Variants in PHACTR1 observed in about 807,000 individuals in gnomAD.
PHACTR1 encodes the protein RPEL repeat containing 1.
PHACTR1 carries 16 observed loss-of-function variants against 69.2 expected under a neutral mutation model. That is an observed-to-expected ratio of 0.23 (90% confidence interval 0.16 to 0.35). The LOEUF (loss-of-function observed/expected upper bound fraction) is 0.35. Ranked by LOEUF, PHACTR1 falls within the 10% of genes least tolerant of loss-of-function variation. The probability of loss-of-function intolerance (pLI) is 1.00; values close to 1 mark genes in which losing one functional copy is unlikely to be tolerated. For synonymous variants in PHACTR1, 312 were observed against 284.5 expected, an observed-to-expected ratio of 1.10 and a Z score of -0.97; for missense variants, 510 against 734.7, an observed-to-expected ratio of 0.69 and a Z score of 3.54.
intron 5 of PHACTR1, among the ~76,000 whole-genome samples, chr6:13,124,075 A>G (rs1411991971): frequency 1.3e-5 from 2 of 152,204 alleles, no homozygotes; most frequent in African/African-American, 4.8e-5. Flanking sequence ...GGCTGAGCCA[A>G]GATCCTCATC....
intron 4 of PHACTR1, among the ~76,000 whole-genome samples, chr6:12,960,513 G>C (rs1041667478): frequency 6.6e-6 from 1 of 152,142 alleles, no homozygotes; most frequent in Non-Finnish European, 1.5e-5. Flanking sequence ...AAGCCACAGA[G>C]GGCATCAGTG....
chr6:12,789,377 C>G (rs1771942768), intron 4 of PHACTR1, among the ~76,000 whole-genome samples: 1 of 152,122 alleles, frequency 6.6e-6, no homozygotes, highest in Non-Finnish European at 1.5e-5. Flanking sequence ...AGTCCTCATC[C>G]TATCCCTGAT....
intron 4 of PHACTR1, among the ~76,000 whole-genome samples, chr6:12,765,659 T>C (rs1042216884): frequency 6.6e-6 from 1 of 152,206 alleles, no homozygotes; most frequent in Admixed American, 6.5e-5. Context: ...CCGTCAGGCC[T>C]CTTAGCATTT....
intron 5 of PHACTR1, among the ~76,000 whole-genome samples, chr6:13,156,253 G>A (rs1005708168): frequency 6.6e-6 from 1 of 152,180 alleles, no homozygotes; most frequent in Non-Finnish European, 1.5e-5. Flanking sequence ...AATAATCTGT[G>A]CATTCGCTGT....
At chr6:12,748,164 T>C (rs1024777059) in intron 3 of PHACTR1, among the ~76,000 whole-genome samples, 2 of 151,852 alleles carry the variant, frequency 1.3e-5, no homozygotes, top group East Asian at 1.9e-4. Flanking sequence ...TTAAACAGAA[T>C]GGGAAGGAAA....
intron 4 of PHACTR1, among the ~76,000 whole-genome samples, chr6:12,943,652 A>T (rs776356027): frequency 4.6e-5 from 7 of 152,226 alleles, no homozygotes; most frequent in Non-Finnish European, 1.5e-5. Flanking sequence ...TACACTGATG[A>T]TGAAATTAAA....
chr6:13,277,862 A>G (rs1779256976), intron 11 of PHACTR1: 1 of 158,804 alleles, frequency 6.3e-6, no homozygotes, highest in Non-Finnish European at 1.4e-5. Flanking sequence ...AAGTAGGAGA[A>G]TCACTTGAGC....
At chr6:12,893,550 G>A (rs776628343) in intron 4 of PHACTR1, among the ~76,000 whole-genome samples, 8 of 151,958 alleles carry the variant, frequency 5.3e-5, no homozygotes, top group Admixed American at 1.3e-4. Flanking sequence ...TGTATTTTGG[G>A]GGGGTCCTTC....
At chr6:13,142,362 C>T (rs1236172837) in intron 5 of PHACTR1, among the ~76,000 whole-genome samples, 1 of 152,108 alleles carries the variant, frequency 6.6e-6, no homozygotes, top group Non-Finnish European at 1.5e-5. Flanking sequence ...CCTCGGCCTC[C>T]CAAAGTGCTA....
At chr6:12,916,540 GTTTT>G (rs10586172) in intron 4 of PHACTR1, among the ~76,000 whole-genome samples, 4 of 133,478 alleles carry the variant, frequency 3.0e-5, no homozygotes, top group Admixed American at 7.4e-5. Context: ...GGCATGGACT[GTTTT>G]TTTTTTTTTT....
intron 4 of PHACTR1, among the ~76,000 whole-genome samples, chr6:12,855,181 TAC>T (rs1237016848): frequency 6.6e-6 from 1 of 152,162 alleles, no homozygotes; most frequent in Non-Finnish European, 1.5e-5. Context: ...GTGGTATACA[TAC>T]ACCATGAAAT....
intron 4 of PHACTR1, among the ~76,000 whole-genome samples, chr6:12,837,738 A>G (rs185917526): frequency 2.6e-5 from 4 of 152,368 alleles, no homozygotes; most frequent in Admixed American, 6.5e-5. Context: ...AAACCTTCAC[A>G]AAATTATTGG....
intron 4 of PHACTR1, among the ~76,000 whole-genome samples, chr6:12,844,312 C>G (rs998710747): frequency 6.6e-6 from 1 of 151,942 alleles, no homozygotes. Flanking sequence ...CAGGAGAACC[C>G]CTTGAGCCCA....
At chr6:13,030,211 T>G (rs1320796408) in intron 4 of PHACTR1, among the ~76,000 whole-genome samples, 1 of 116,870 alleles carries the variant, frequency 8.6e-6, no homozygotes, top group Admixed American at 9.6e-5. Context: ...TGCTTGTGAG[T>G]GCAACAGACG....
At chr6:12,751,579 C>A (rs1424434155) in intron 4 of PHACTR1, among the ~76,000 whole-genome samples, 1 of 152,196 alleles carries the variant, frequency 6.6e-6, no homozygotes, top group African/African-American at 2.4e-5. Flanking sequence ...AAATAAAGTG[C>A]TAAACAAGAG....
intron 3 of PHACTR1, among the ~76,000 whole-genome samples, chr6:12,732,875 A>G (rs1195494722): frequency 1.3e-5 from 2 of 152,212 alleles, no homozygotes; most frequent in African/African-American, 4.8e-5. Context: ...GCTTTTTCCC[A>G]ACGGGTGACT....
chr6:13,105,070 ACACTT>A (rs781291052), intron 5 of PHACTR1, among the ~76,000 whole-genome samples: 4 of 152,132 alleles, frequency 2.6e-5, no homozygotes, highest in Non-Finnish European at 5.9e-5. Flanking sequence ...GTAATTCTCA[ACACTT>A]CACCTGTCTT....
At chr6:12,730,664 T>C (rs942626224) in intron 3 of PHACTR1, among the ~76,000 whole-genome samples, 1 of 152,240 alleles carries the variant, frequency 6.6e-6, no homozygotes, top group Admixed American at 6.5e-5. Context: ...TAAACTTGTG[T>C]CATGAGGGTT....
intron 4 of PHACTR1, among the ~76,000 whole-genome samples, chr6:13,020,177 G>A (rs1800760512): frequency 6.6e-6 from 1 of 152,206 alleles, no homozygotes. Flanking sequence ...CAAGAATCCA[G>A]TTGTTGGTTT....
Sources: gnomAD v4.1 joint callset for allele counts (sites outside exome capture counted in the v4.1 genomes callset) on GRCh38, gnomAD v4.1.1 for gene constraint, MANE v1.5 for transcripts, NCBI Gene and HGNC (gene_info 2026-07-23, HGNC 2026-07-21) for gene names.